SCOC: variants seen among roughly 807,000 people sequenced by gnomAD.
The protein encoded by SCOC is short coiled-coil protein.
SCOC carries 7 observed loss-of-function variants against 9.9 expected under a neutral mutation model. The ratio of observed to expected loss-of-function variants is 0.71; its 90% confidence interval spans 0.40 to 1.33. SCOC has a LOEUF of 1.33. SCOC is among the 40% of genes most tolerant of loss of function. The probability of loss-of-function intolerance (pLI) is 0.01; values close to 1 mark genes in which losing one functional copy is unlikely to be tolerated. For missense variants in SCOC, 66 were observed against 89.7 expected (o/e 0.74, Z 1.07); for synonymous variants, 19 against 28.2 (o/e 0.67, Z 1.03).
chr4:140,313,768 G>A (rs954279557), intron 1 of SCOC, among the ~76,000 whole-genome samples: 1 of 151,794 alleles, frequency 6.6e-6, no homozygotes, highest in East Asian at 1.9e-4. Flanking sequence ...AAAAGCCATC[G>A]TTTCATGAAA....
chr4:140,347,216 T>C (rs1560712330), intron 2 of SCOC, among the ~76,000 whole-genome samples: 1 of 152,170 alleles, frequency 6.6e-6, no homozygotes, highest in Non-Finnish European at 1.5e-5. Flanking sequence ...AATAAGATGT[T>C]TGGATCTAAA....
intron 1 of SCOC, chr4:140,374,025 C>T (rs929306335): frequency 3.0e-5 from 17 of 560,176 alleles, no homozygotes; most frequent in Admixed American, 6.6e-5. Flanking sequence ...GGTCGGGAGC[C>T]GCTTTGCAGC....
intron 1 of SCOC, among the ~76,000 whole-genome samples, chr4:140,280,937 C>G (rs1481960873): frequency 6.6e-6 from 1 of 152,112 alleles, no homozygotes; most frequent in Non-Finnish European, 1.5e-5. Context: ...AAGACGGAGG[C>G]AGATGGAGGT....
intron 1 of SCOC, chr4:140,376,914 A>G (rs1177065350): frequency 6.6e-6 from 1 of 152,262 alleles, no homozygotes; most frequent in African/African-American, 2.4e-5. Flanking sequence ...TTTTCTGATT[A>G]TCTGTTGCTT....
rs757885698 is a variant in SCOC at position 140,379,209 on chromosome 4, CT to C, written c.22+23del. ...ACATGGATGGTATGTTCTTCATTTTCTTTTTTGTATACTCCTGGTTTTGTGG... is the reference window on the plus strand; with the variant it reads ...ACATGGATGGTATGTTCTTCATTTTCTTTTTGTATACTCCTGGTTTTGTGG... On this transcript the variant is annotated intron_variant, in intron 2 of 3. Coordinates refer to ENST00000608372, the MANE Select transcript of SCOC (RefSeq NM_001153484.2). 2 of 1,543,858 alleles carry C rather than the reference CT, an allele frequency of 1.3e-6. No homozygotes were observed. Among genetic ancestry groups the C allele is most frequent in the Admixed American group, 3.3e-5 (2 of 59,860 alleles).
chr4:140,317,629 CT>C (rs202182514), intron 1 of SCOC, among the ~76,000 whole-genome samples: 56,965 of 130,722 alleles, frequency 0.44, 13,833 homozygotes, highest in African/African-American at 0.71. Flanking sequence ...GCCCTTCCTT[CT>C]TTTTTTTTTT....
chr4:140,368,919 A>G (rs4956294), upstream of SCOC, among the ~76,000 whole-genome samples: 144,922 of 152,148 alleles, frequency 0.95, 69,065 homozygotes, highest in East Asian at 0.99. Flanking sequence ...GGCAGAGTGA[A>G]CTGGAGTCTC....
At position 140,374,247 on chromosome 4, in the gene SCOC, C is replaced by T. The variant is rs535528176; in HGVS notation, c.-51+530C>T. ...GGTTTGTTTCCTGATCGTCTTCTCC[C>T]CCAGAGTCCTGCTGAACAAGTTTTG... On this transcript the variant is annotated intron_variant, in intron 1 of 3. Transcript: ENST00000608372. 2,066 of 445,184 alleles carry T rather than the reference C, an allele frequency of 4.6e-3. 14 individuals carry two copies. Among genetic ancestry groups the T allele is most frequent in the Middle Eastern group, 8.1e-3 (24 of 2,980 alleles). 27.6% of individuals were successfully genotyped at this position (445,184 alleles called of 1,614,324 possible). A position where few individuals can be genotyped will look rare whatever the true frequency, so the allele number is the denominator to read the frequency against.
At chr4:140,364,473 G>C (rs1409392579) in intron 2 of SCOC, among the ~76,000 whole-genome samples, 2 of 151,682 alleles carry the variant, frequency 1.3e-5, no homozygotes, top group Non-Finnish European at 2.9e-5. Context: ...CCCTATTCTG[G>C]AAAAAAAATC....
At chr4:140,295,636 C>T (rs192478045) in intron 1 of SCOC, among the ~76,000 whole-genome samples, 138 of 152,324 alleles carry the variant, frequency 9.1e-4, no homozygotes, top group African/African-American at 3.2e-3. Flanking sequence ...GTCACAAGAC[C>T]ACCTGCATGA....
Position 140,279,517 on chromosome 4 carries a change from A to G in SCOC, c.-19+22107A>G, listed in dbSNP as rs566621992. On this transcript the variant is annotated intron_variant, in intron 1 of 4. Transcript: ENST00000394205. The stretch of plus-strand genomic sequence containing the variant: ...CAAGGACTATCCTTGGATACTGGAC[A>G]CGCTAAATAATAAGTACTAGATTGG... 2.6e-4 allele frequency among the ~76,000 whole-genome samples: 40 copies of G among 152,286 alleles called. No homozygotes were observed. The East Asian group carries it at 7.1e-3, about 27-fold the overall frequency.
At chr4:140,269,832 C>A (rs952688156) in intron 1 of SCOC, among the ~76,000 whole-genome samples, 1 of 151,982 alleles carries the variant, frequency 6.6e-6, no homozygotes, top group Non-Finnish European at 1.5e-5. Flanking sequence ...CTCACTGTAA[C>A]CTTAATCTCC....
intron 2 of SCOC, among the ~76,000 whole-genome samples, chr4:140,354,555 A>G (rs185543476): frequency 6.7e-6 from 1 of 149,306 alleles, no homozygotes; most frequent in Non-Finnish European, 1.5e-5. Context: ...TTACCAACAC[A>G]AACAGTAACT....
chr4:140,355,211 T>TATATATATATA (rs60752527), intron 2 of SCOC, among the ~76,000 whole-genome samples: 4 of 61,396 alleles, frequency 6.5e-5, no homozygotes, highest in East Asian at 4.6e-4. Context: ...CATTATATTT[T>TATATATATATA]TATATATATA....
At chr4:140,301,751 T>C (rs1257032350) in intron 1 of SCOC, among the ~76,000 whole-genome samples, 2 of 152,242 alleles carry the variant, frequency 1.3e-5, no homozygotes, top group African/African-American at 4.8e-5. Flanking sequence ...TTCCACGCAC[T>C]GTTTCCCTGC....
chr4:140,371,743 T>C (rs1578877072), upstream of SCOC, among the ~76,000 whole-genome samples: 2 of 152,324 alleles, frequency 1.3e-5, no homozygotes. Flanking sequence ...TCAGCACAAA[T>C]TAACACACAC....
At chr4:140,373,228 C>A, upstream of SCOC, 9 of 1,148,886 alleles carry the variant, frequency 7.8e-6, no homozygotes, top group Non-Finnish European at 9.7e-6. Context: ...GCTCTTTTCT[C>A]GAACTTGAAT....
At chr4:140,288,601 C>T (rs933326589) in intron 1 of SCOC, among the ~76,000 whole-genome samples, 1 of 151,980 alleles carries the variant, frequency 6.6e-6, no homozygotes, top group African/African-American at 2.4e-5. Context: ...TATCACACAT[C>T]ACATACACAC....
intron 1 of SCOC, among the ~76,000 whole-genome samples, chr4:140,269,575 A>G (rs1036557597): frequency 2.6e-5 from 4 of 152,130 alleles, no homozygotes. Context: ...TCAGTGCCTC[A>G]TGAAACGGAA....
Sources: gnomAD v4.1 joint callset for allele counts (sites outside exome capture counted in the v4.1 genomes callset) on GRCh38, gnomAD v4.1.1 for gene constraint, MANE v1.5 for transcripts, NCBI Gene and HGNC (gene_info 2026-07-23, HGNC 2026-07-21) for gene names.